Variants in DPYD observed in about 807,000 individuals in gnomAD.
DPYD encodes dihydropyrimidine dehydrogenase, also known as dihydropyrimidine dehydrogenase [NADP(+)].
A neutral mutation model predicts 116.2 loss-of-function variants in DPYD; 109 were observed. The observed-to-expected ratio is 0.94, with a 90% CI of 0.80 to 1.10. The LOEUF (loss-of-function observed/expected upper bound fraction) is 1.10, where lower values mean the gene tolerates loss of function less well. Ranked by LOEUF, DPYD falls within the 50% of genes least tolerant of loss-of-function variation. DPYD has a pLI of 0.00. For missense variants in DPYD, 1,302 were observed against 1,254.5 expected (o/e 1.04, Z -0.57); for synonymous variants, 440 against 432.0 (o/e 1.02, Z -0.23).
At chr1:97,358,100 A>C (rs1003122995) in intron 16 of DPYD, among the ~76,000 whole-genome samples, 3 of 152,200 alleles carry the variant, frequency 2.0e-5, no homozygotes, top group Non-Finnish European at 4.4e-5. Context: ...TCCCACCCAA[A>C]TACTGTGCTT....
chr1:97,162,276 A>G (rs951550764), intron 20 of DPYD, among the ~76,000 whole-genome samples: 42 of 151,832 alleles, frequency 2.8e-4, no homozygotes, highest in Non-Finnish European at 5.6e-4. Flanking sequence ...AACTGGTGTG[A>G]GATGGTATCT....
At chr1:97,123,948 G>A (rs1187939154) in intron 20 of DPYD, among the ~76,000 whole-genome samples, 1 of 151,992 alleles carries the variant, frequency 6.6e-6, no homozygotes, top group Admixed American at 6.6e-5. Context: ...AATGAATCTG[G>A]GTCCCTGCCA....
intron 14 of DPYD, among the ~76,000 whole-genome samples, chr1:97,389,132 T>A (rs377539184): frequency 6.6e-6 from 1 of 151,704 alleles, no homozygotes; most frequent in East Asian, 1.9e-4. Flanking sequence ...GAGGAAGAGA[T>A]AAAATGTGAA....
At position 97,146,592 on chromosome 1, in the gene DPYD, T is replaced by C. The variant is rs578167909; in HGVS notation, c.2622+46477A>G. 3.9e-5 allele frequency among the ~76,000 whole-genome samples: 6 copies of C among 152,344 alleles called. No homozygotes were observed. In the East Asian group the frequency reaches 9.6e-4, roughly 24 times the overall value. ...TAAGGTCTGGATGGAAATAAAATGA[T>C]TGTTAAATCTAAGAATACGGAGAAT... is the stretch of plus-strand genomic sequence containing the variant. On this transcript the variant is annotated intron_variant, in intron 20 of 22. Coordinates refer to ENST00000370192, the MANE Select transcript of DPYD (RefSeq NM_000110.4).
At chr1:97,264,895 G>A (rs780898827) in intron 18 of DPYD, among the ~76,000 whole-genome samples, 5 of 152,100 alleles carry the variant, frequency 3.3e-5, no homozygotes, top group Non-Finnish European at 7.4e-5. Flanking sequence ...ACCTGAAAGT[G>A]TTTTTGTTTT....
intron 14 of DPYD, among the ~76,000 whole-genome samples, chr1:97,387,772 G>A (rs1672436185): frequency 6.6e-6 from 1 of 152,004 alleles, no homozygotes; most frequent in Non-Finnish European, 1.5e-5. Flanking sequence ...ATGTTCAAGG[G>A]GAAAAAAGAA....
intron 11 of DPYD, among the ~76,000 whole-genome samples, chr1:97,564,318 CT>C (rs1221048131): frequency 6.6e-6 from 1 of 151,960 alleles, no homozygotes; most frequent in Non-Finnish European, 1.5e-5. Flanking sequence ...AAAAGCTGAC[CT>C]TTTTTCTCTT....
chr1:97,534,301 T>C (rs954760550), intron 12 of DPYD, among the ~76,000 whole-genome samples: 12 of 152,242 alleles, frequency 7.9e-5, no homozygotes, highest in African/African-American at 2.9e-4. Flanking sequence ...ATTTTGAGTA[T>C]TGGTTATAAG....
chr1:97,891,818 T>C (rs1036865943), intron 1 of DPYD, among the ~76,000 whole-genome samples: 1 of 151,894 alleles, frequency 6.6e-6, no homozygotes, highest in African/African-American at 2.4e-5. Flanking sequence ...TATATCACAA[T>C]AGTAATTATC....
At chr1:97,256,193 G>A (rs747140977) in intron 18 of DPYD, among the ~76,000 whole-genome samples, 1 of 152,052 alleles carries the variant, frequency 6.6e-6, no homozygotes, top group South Asian at 2.1e-4. Context: ...TAATAAAAGC[G>A]CTAGTAAAAC....
chr1:97,160,314 C>T (rs939846980), intron 20 of DPYD, among the ~76,000 whole-genome samples: 1 of 137,492 alleles, frequency 7.3e-6, no homozygotes, highest in African/African-American at 2.7e-5. Context: ...GAATGGGAAG[C>T]TACACTTGAA....
chr1:97,356,979 C>T (rs988838077), intron 16 of DPYD, among the ~76,000 whole-genome samples: 6 of 152,108 alleles, frequency 3.9e-5, no homozygotes, highest in East Asian at 1.9e-4. Flanking sequence ...TCTTTTTGCT[C>T]GGACTGACTT....
At chr1:97,087,548 C>T (rs574432418) in intron 21 of DPYD, among the ~76,000 whole-genome samples, 8 of 152,144 alleles carry the variant, frequency 5.3e-5, no homozygotes, top group South Asian at 2.1e-4. Flanking sequence ...GTAGTGAGAG[C>T]GGCTTGGGTG....
chr1:97,918,817 A>C (rs1334060926), intron 1 of DPYD, among the ~76,000 whole-genome samples: 1 of 152,174 alleles, frequency 6.6e-6, no homozygotes, highest in African/African-American at 2.4e-5. Flanking sequence ...TGTTCTTATC[A>C]CATTCATTAA....
intron 5 of DPYD, among the ~76,000 whole-genome samples, chr1:97,713,753 T>A (rs1225550980): frequency 6.6e-6 from 1 of 152,134 alleles, no homozygotes; most frequent in Admixed American, 6.5e-5. Context: ...CATCTATATC[T>A]TACTTCTCTC....
intron 14 of DPYD, chr1:97,394,341 C>T (rs1177558387): frequency 3.3e-5 from 5 of 151,822 alleles, no homozygotes; most frequent in Non-Finnish European, 7.4e-5. Context: ...CATTGCTTTT[C>T]GTGTTTTAGT....
At chr1:97,781,431 T>G (rs969852783) in intron 3 of DPYD, among the ~76,000 whole-genome samples, 1 of 152,238 alleles carries the variant, frequency 6.6e-6, no homozygotes, top group Non-Finnish European at 1.5e-5. Context: ...TCTACATATA[T>G]GCATCCATTG....
At chr1:97,767,572 G>A (rs1217845130) in intron 3 of DPYD, among the ~76,000 whole-genome samples, 1 of 152,102 alleles carries the variant, frequency 6.6e-6, no homozygotes, top group African/African-American at 2.4e-5. Flanking sequence ...ACGACAGGGA[G>A]AAGAGTCCAC....
intron 21 of DPYD, among the ~76,000 whole-genome samples, chr1:97,094,580 G>A (rs1261519339): frequency 6.6e-6 from 1 of 152,042 alleles, no homozygotes; most frequent in Admixed American, 6.6e-5. Flanking sequence ...TTGAGACAGA[G>A]GACTCAGGAG....
Sources: gnomAD v4.1 joint callset for allele counts (sites outside exome capture counted in the v4.1 genomes callset) on GRCh38, gnomAD v4.1.1 for gene constraint, MANE v1.5 for transcripts, NCBI Gene and HGNC (gene_info 2026-07-23, HGNC 2026-07-21) for gene names.